GRIK2: variants seen among roughly 807,000 people sequenced by gnomAD.
The protein encoded by GRIK2 is glutamate receptor ionotropic, kainate 2.
In GRIK2, 32 loss-of-function variants were observed where a neutral mutation model predicts 100.3. That is an observed-to-expected ratio of 0.32 (90% CI 0.24 to 0.43). The LOEUF is 0.43. GRIK2 is among the 20% of genes least tolerant of loss of function. The pLI, the probability that GRIK2 is intolerant of heterozygous loss-of-function variation, is 1.00. For synonymous variants in GRIK2, 417 were observed against 389.4 expected, an observed-to-expected ratio of 1.07 and a Z score of -0.83; for missense variants, 843 against 1,114.9, an observed-to-expected ratio of 0.76 and a Z score of 3.47.
intron 15 of GRIK2, among the ~76,000 whole-genome samples, chr6:102,053,730 G>A (rs954764): frequency 0.08 from 12,154 of 152,154 alleles, 630 homozygotes; most frequent in Middle Eastern, 0.18. Flanking sequence ...TAAATGGATG[G>A]ATGGACTGAT....
chr6:101,862,083 G>T (rs1784765460), intron 11 of GRIK2, among the ~76,000 whole-genome samples: 2 of 152,118 alleles, frequency 1.3e-5, no homozygotes, highest in Admixed American at 1.3e-4. Context: ...CTTAAATGAT[G>T]CTTGAAGACA....
chr6:101,649,108 A>G (rs1056261867), intron 4 of GRIK2, among the ~76,000 whole-genome samples: 14 of 152,094 alleles, frequency 9.2e-5, no homozygotes, highest in African/African-American at 3.4e-4. Flanking sequence ...GCCAAACCAT[A>G]TCACTAAATG....
chr6:101,910,252 T>C (rs2128465215), intron 12 of GRIK2, among the ~76,000 whole-genome samples: 2 of 151,316 alleles, frequency 1.3e-5, no homozygotes, highest in Admixed American at 1.3e-4. Flanking sequence ...TAAAAACTAT[T>C]ATCTGCAAGT....
At chr6:101,832,045 A>G (rs1262817161) in intron 10 of GRIK2, among the ~76,000 whole-genome samples, 1 of 152,104 alleles carries the variant, frequency 6.6e-6, no homozygotes, top group Non-Finnish European at 1.5e-5. Context: ...ATAAATGTTA[A>G]TGATACTAGA....
At chr6:101,764,091 G>C (rs1274854431) in intron 7 of GRIK2, among the ~76,000 whole-genome samples, 3 of 151,988 alleles carry the variant, frequency 2.0e-5, no homozygotes, top group Non-Finnish European at 4.4e-5. Flanking sequence ...TGTATTCACT[G>C]TCTCTCTCTC....
rs79320434 is a variant in GRIK2 at position 101,551,718 on chromosome 6, G to A, written c.116-70231G>A. On this transcript the variant is annotated intron_variant, in intron 2 of 16. Transcript: ENST00000369134. ...ACCAAAAAGAGTTCAGCACTGAGACGTGAGCTTACTTCCTCCCGAGCATTA... is the reference window on the plus strand; with the variant it reads ...ACCAAAAAGAGTTCAGCACTGAGACATGAGCTTACTTCCTCCCGAGCATTA... 6.8e-3 allele frequency among the ~76,000 whole-genome samples: 1,040 copies of A among 152,228 alleles called. 16 individuals are homozygous for A. Among genetic ancestry groups the A allele is most frequent in the African/African-American group, 0.024 (991 of 41,518 alleles).
At chr6:101,948,221 G>C (rs1791390596) in intron 14 of GRIK2, among the ~76,000 whole-genome samples, 1 of 151,764 alleles carries the variant, frequency 6.6e-6, no homozygotes, top group African/African-American at 2.4e-5. Context: ...TAGAATGGTT[G>C]GGTAGGAGCA....
At chr6:101,449,088 G>A (rs958105517) in intron 2 of GRIK2, among the ~76,000 whole-genome samples, 1 of 151,386 alleles carries the variant, frequency 6.6e-6, no homozygotes, top group East Asian at 1.9e-4. Flanking sequence ...AAAGAAAATT[G>A]ACAAAAGACA....
intron 2 of GRIK2, among the ~76,000 whole-genome samples, chr6:101,448,469 C>A (rs948593646): frequency 6.6e-5 from 10 of 151,432 alleles, no homozygotes; most frequent in African/African-American, 2.4e-4. Flanking sequence ...AGTTAGTGGG[C>A]AGTAAAGCGA....
chr6:101,840,754 G>A (rs1459132698), intron 10 of GRIK2, among the ~76,000 whole-genome samples: 2 of 151,912 alleles, frequency 1.3e-5, no homozygotes, highest in Admixed American at 6.6e-5. Context: ...AGCTCTCTTA[G>A]CTTTAGTTCT....
intron 2 of GRIK2, among the ~76,000 whole-genome samples, chr6:101,484,717 A>G (rs1772723526): frequency 6.6e-6 from 1 of 152,124 alleles, no homozygotes; most frequent in Non-Finnish European, 1.5e-5. Context: ...GATTTTCTTC[A>G]GGTGTCAGAG....
intron 14 of GRIK2, among the ~76,000 whole-genome samples, chr6:102,026,697 C>T (rs982443724): frequency 6.6e-6 from 1 of 151,182 alleles, no homozygotes; most frequent in Non-Finnish European, 1.5e-5. Context: ...TTCTTTTATT[C>T]CTCTATTAAC....
rs558294725 is a variant in GRIK2, at chr6:101,720,741, A to AAG, written c.951+34388_951+34389insAG. ...TAAAAGGTCCTAGAAGGAAAAAAAA[A>AAG]GTTTTAGTTAAACTCACTTATTTGC... On this transcript the variant is annotated intron_variant, in intron 7 of 16. Transcript: ENST00000369134. Among the ~76,000 whole-genome samples the AAG allele has an allele frequency of 2.0e-3, 301 of 152,120 alleles. 2 individuals are homozygous for AAG. The highest frequency in any genetic ancestry group is 6.6e-3 in the African/African-American group (276 of 41,546).
chr6:101,792,634 G>C (rs374122597), intron 7 of GRIK2, among the ~76,000 whole-genome samples: 112 of 152,090 alleles, frequency 7.4e-4, no homozygotes, highest in Middle Eastern at 3.4e-3. Flanking sequence ...TCTGGCTGCC[G>C]TTAACATTTT....
chr6:101,526,880 A>G (rs1402997028), intron 2 of GRIK2, among the ~76,000 whole-genome samples: 2 of 152,158 alleles, frequency 1.3e-5, no homozygotes, highest in Non-Finnish European at 2.9e-5. Flanking sequence ...GATGCACACC[A>G]TGGGTCCTGT....
chr6:101,732,837 C>G (rs1020941662), intron 7 of GRIK2, among the ~76,000 whole-genome samples: 2 of 152,104 alleles, frequency 1.3e-5, no homozygotes, highest in Non-Finnish European at 2.9e-5. Flanking sequence ...CTCCTCACCC[C>G]ACTCCTTGCT....
At chr6:101,814,423 G>A (rs936006314) in intron 9 of GRIK2, among the ~76,000 whole-genome samples, 3 of 151,918 alleles carry the variant, frequency 2.0e-5, no homozygotes, top group Non-Finnish European at 2.9e-5. Flanking sequence ...GAGAGTTTAC[G>A]TAAAACAAAG....
chr6:102,060,862 A>T (rs575098835), intron 16 of GRIK2, among the ~76,000 whole-genome samples: 3 of 150,768 alleles, frequency 2.0e-5, no homozygotes, highest in African/African-American at 7.2e-5. Context: ...TTTCACAGCT[A>T]TATTGACTAA....
intron 2 of GRIK2, among the ~76,000 whole-genome samples, chr6:101,603,415 C>T (rs181121560): frequency 1.1e-3 from 168 of 151,452 alleles, no homozygotes; most frequent in East Asian, 0.01. Context: ...TAAATAACCA[C>T]GATTTGGAAA....
Sources: gnomAD v4.1 joint callset for allele counts (sites outside exome capture counted in the v4.1 genomes callset) on GRCh38, gnomAD v4.1.1 for gene constraint, MANE v1.5 for transcripts, NCBI Gene and HGNC (gene_info 2026-07-23, HGNC 2026-07-21) for gene names.